The following ARHGEF3 variants were observed in gnomAD, a reference collection of about 807,000 sequenced individuals.
ARHGEF3 encodes 59.8 kDA protein.
A neutral mutation model predicts 63.2 loss-of-function variants in ARHGEF3; 28 were observed. The ratio of observed to expected loss-of-function variants is 0.44; its 90% CI spans 0.33 to 0.61. The LOEUF (loss-of-function observed/expected upper bound fraction) is 0.61, where lower values mean the gene tolerates loss of function less well. Among genes scored for constraint, ARHGEF3 ranks in the 20% least tolerant of loss-of-function variants. The pLI is 0.03. For missense variants in ARHGEF3, 533 were observed against 659.3 expected, an observed-to-expected ratio of 0.81 and a Z score of 2.10; for synonymous variants, 266 against 254.2, an observed-to-expected ratio of 1.05 and a Z score of -0.44.
intron 2 of ARHGEF3, among the ~76,000 whole-genome samples, chr3:56,980,858 G>A (rs1701299725): frequency 6.6e-6 from 1 of 152,210 alleles, no homozygotes; most frequent in South Asian, 2.1e-4. Context: ...AAGTTCATCG[G>A]CCTCCGAGGC....
At chr3:56,919,885 G>A (rs1347239075) in intron 3 of ARHGEF3, among the ~76,000 whole-genome samples, 5 of 152,154 alleles carry the variant, frequency 3.3e-5, no homozygotes, top group Non-Finnish European at 5.9e-5. Context: ...GTCAGGAGTG[G>A]GGCCTAGCAA....
At chr3:56,914,072 G>A (rs1387899520) in intron 3 of ARHGEF3, among the ~76,000 whole-genome samples, 2 of 152,314 alleles carry the variant, frequency 1.3e-5, no homozygotes, top group East Asian at 3.9e-4. Flanking sequence ...TGGGAGTTAA[G>A]CTATGAGGAC....
chr3:57,010,113 T>G (rs1702623220), intron 2 of ARHGEF3, among the ~76,000 whole-genome samples: 1 of 152,112 alleles, frequency 6.6e-6, no homozygotes, highest in African/African-American at 2.4e-5. Context: ...CCTTAGATAT[T>G]CAGAATTCAG....
chr3:57,041,426 T>C (rs1704182492), intron 1 of ARHGEF3, among the ~76,000 whole-genome samples: 1 of 152,210 alleles, frequency 6.6e-6, no homozygotes, highest in East Asian at 1.9e-4. Flanking sequence ...CACCATCTGA[T>C]TCCAGAGCCC....
intron 2 of ARHGEF3, among the ~76,000 whole-genome samples, chr3:56,983,902 C>T (rs1239881939): frequency 6.7e-6 from 1 of 149,466 alleles, no homozygotes; most frequent in Non-Finnish European, 1.5e-5. Flanking sequence ...TGCCACCGCA[C>T]TCCAGCCTAG....
At chr3:56,731,521 ACT>A (rs1233576712) in intron 9 of ARHGEF3, 1 of 150,090 alleles carries the variant, frequency 6.7e-6, no homozygotes, top group Admixed American at 6.7e-5. Flanking sequence ...ACAGAGGAAG[ACT>A]CTGTCTCAAA....
chr3:56,927,436 T>C (rs966843649), intron 3 of ARHGEF3, among the ~76,000 whole-genome samples: 2 of 152,160 alleles, frequency 1.3e-5, no homozygotes, highest in Admixed American at 1.3e-4. Context: ...TTGCTGATAC[T>C]ACATATAATA....
At chr3:56,912,376 A>G (rs1286959161) in intron 3 of ARHGEF3, among the ~76,000 whole-genome samples, 1 of 152,236 alleles carries the variant, frequency 6.6e-6, no homozygotes, top group Non-Finnish European at 1.5e-5. Flanking sequence ...GTGTTACTGC[A>G]GATGTTGCAC....
intron 2 of ARHGEF3, among the ~76,000 whole-genome samples, chr3:56,990,217 G>T (rs1359376571): frequency 6.6e-6 from 1 of 152,236 alleles, no homozygotes; most frequent in Non-Finnish European, 1.5e-5. Context: ...GGTAGAAGAG[G>T]AAAGTCTTCT....
At chr3:56,936,511 T>C (rs11716721) in intron 3 of ARHGEF3, among the ~76,000 whole-genome samples, 18,205 of 152,180 alleles carry the variant, frequency 0.12, 1,323 homozygotes, top group East Asian at 0.25. Flanking sequence ...TTAGCATCAC[T>C]AGTAACAACC....
intron 4 of ARHGEF3, among the ~76,000 whole-genome samples, chr3:56,858,915 G>T (rs1046582349): frequency 1.4e-4 from 22 of 152,150 alleles, no homozygotes; most frequent in Admixed American, 1.4e-3. Flanking sequence ...ACTTGTTTCT[G>T]TGTTATATAC....
At chr3:56,784,271 G>A (rs539778623) in intron 1 of ARHGEF3, among the ~76,000 whole-genome samples, 1 of 152,314 alleles carries the variant, frequency 6.6e-6, no homozygotes. Flanking sequence ...CCATGGGCCC[G>A]GAGGATGTTT....
chr3:56,817,277 T>G (rs1341888764), intron 4 of ARHGEF3, among the ~76,000 whole-genome samples: 1 of 152,170 alleles, frequency 6.6e-6, no homozygotes, highest in East Asian at 1.9e-4. Flanking sequence ...AATAATTTCA[T>G]AAACAGTAGC....
chr3:57,074,590 T>G (rs765167486), intron 1 of ARHGEF3: 1 of 288,526 alleles, frequency 3.5e-6, no homozygotes, highest in Admixed American at 4.8e-5. Context: ...AATGAAAGAG[T>G]GGGAGGCATG....
chr3:56,873,171 A>G (rs1241278058), intron 4 of ARHGEF3, among the ~76,000 whole-genome samples: 10 of 151,232 alleles, frequency 6.6e-5, no homozygotes, highest in African/African-American at 2.4e-4. Context: ...GCTAAGTTTT[A>G]AATTTATTAT....
intron 1 of ARHGEF3, chr3:57,075,069 G>A (rs1706147226): frequency 6.0e-6 from 1 of 167,050 alleles, no homozygotes; most frequent in Admixed American, 6.5e-5. Context: ...CCACAACATT[G>A]GGCTCCATAT....
intron 3 of ARHGEF3, among the ~76,000 whole-genome samples, chr3:56,892,016 G>A (rs968829672): frequency 2.6e-5 from 4 of 152,090 alleles, no homozygotes; most frequent in Admixed American, 6.6e-5. Context: ...CTTCTCCCAC[G>A]GGAGGGAAGA....
intron 4 of ARHGEF3, among the ~76,000 whole-genome samples, chr3:56,833,599 T>C (rs2039001797): frequency 1.3e-5 from 2 of 152,216 alleles, no homozygotes; most frequent in East Asian, 1.9e-4. Flanking sequence ...TGTTCTCTTA[T>C]TTATGGATAT....
At chr3:56,873,104 T>C (rs906733204) in intron 4 of ARHGEF3, among the ~76,000 whole-genome samples, 1 of 152,016 alleles carries the variant, frequency 6.6e-6, no homozygotes, top group African/African-American at 2.4e-5. Context: ...GCTCAGGTGA[T>C]CCTCCCACCT....
Sources: allele counts gnomAD v4.1 joint callset (sites outside exome capture counted in the v4.1 genomes callset), GRCh38; gene constraint gnomAD v4.1.1; transcripts MANE v1.5; gene names NCBI Gene and HGNC (gene_info 2026-07-23, HGNC 2026-07-21).